Variants in TENM4 observed in about 807,000 individuals in gnomAD.
The protein encoded by TENM4 is teneurin-4.
In TENM4, 82 loss-of-function variants were observed where a neutral mutation model predicts 243.3. The ratio of observed to expected loss-of-function variants is 0.34; its 90% CI spans 0.28 to 0.40. TENM4 has a LOEUF of 0.40. Ranked by LOEUF, TENM4 falls within the 10% of genes least tolerant of loss-of-function variation. The probability of loss-of-function intolerance (pLI) is 1.00; values close to 1 mark genes in which losing one functional copy is unlikely to be tolerated. For synonymous variants in TENM4, 1,412 were observed against 1,456.3 expected (o/e 0.97, Z 0.69); for missense variants, 3,138 against 3,673.3 (o/e 0.85, Z 3.77).
At chr11:78,661,886 C>A (rs545827794) in intron 32 of TENM4, among the ~76,000 whole-genome samples, 1 of 152,174 alleles carries the variant, frequency 6.6e-6, no homozygotes, top group Non-Finnish European at 1.5e-5. Flanking sequence ...TAGCTTCATA[C>A]CCGGGGCAGC....
chr11:78,928,165 C>T (rs1856591311), intron 6 of TENM4, among the ~76,000 whole-genome samples: 1 of 152,214 alleles, frequency 6.6e-6, no homozygotes, highest in Non-Finnish European at 1.5e-5. Context: ...TACTCTGCAG[C>T]TCTTTAAACA....
At chr11:78,976,204 A>C (rs975912758) in intron 6 of TENM4, among the ~76,000 whole-genome samples, 1 of 152,246 alleles carries the variant, frequency 6.6e-6, no homozygotes, top group African/African-American at 2.4e-5. Context: ...TGAGGTGTGG[A>C]TCTGGGCTTC....
chr11:79,365,977 A>C (rs1174647028), intron 1 of TENM4, among the ~76,000 whole-genome samples: 1 of 152,186 alleles, frequency 6.6e-6, no homozygotes, highest in African/African-American at 2.4e-5. Flanking sequence ...GATGGGCTCT[A>C]AGCAAGAGAG....
intron 4 of TENM4, among the ~76,000 whole-genome samples, chr11:79,095,002 G>A (rs1009596173): frequency 1.3e-5 from 2 of 152,208 alleles, no homozygotes; most frequent in Non-Finnish European, 2.9e-5. Context: ...CTGCAAGGAG[G>A]CTTGGAGTCA....
At position 79,310,714 on chromosome 11, in the gene TENM4, T is replaced by C. The variant is rs913798114; in HGVS notation, c.-320-13171A>G. ...CATGGAGCAGCTGAGGCAGGGGAGCTTGGAATAAATTATTTCCCCATCCCC... is the reference window on the plus strand; with the variant it reads ...CATGGAGCAGCTGAGGCAGGGGAGCCTGGAATAAATTATTTCCCCATCCCC... On this transcript the variant is annotated intron_variant, in intron 1 of 33. Transcript: ENST00000278550. 3.3e-5 allele frequency among the ~76,000 whole-genome samples: 5 copies of C among 152,182 alleles called. 1 individual carries two copies. Among genetic ancestry groups the C allele is most frequent in the Admixed American group, 3.3e-4 (5 of 15,284 alleles).
chr11:78,684,184 G>A (rs918296977), intron 29 of TENM4, among the ~76,000 whole-genome samples: 3 of 152,228 alleles, frequency 2.0e-5, no homozygotes, highest in African/African-American at 7.2e-5. Flanking sequence ...GCTGTGAGAG[G>A]CACTATGGCA....
intron 9 of TENM4, among the ~76,000 whole-genome samples, chr11:78,864,196 C>T (rs1017742349): frequency 6.6e-6 from 1 of 151,986 alleles, no homozygotes; most frequent in Non-Finnish European, 1.5e-5. Flanking sequence ...AGGAGGGAAA[C>T]TTGCTTTTCA....
chr11:79,345,751 C>T (rs1367808877), intron 1 of TENM4, among the ~76,000 whole-genome samples: 33 of 152,160 alleles, frequency 2.2e-4, no homozygotes, highest in Admixed American at 2.2e-3. Flanking sequence ...ATCACAGGTG[C>T]TTAATAAATT....
At chr11:79,214,018 G>GTCC (rs1565252921) in intron 3 of TENM4, among the ~76,000 whole-genome samples, 1 of 150,638 alleles carries the variant, frequency 6.6e-6, no homozygotes, top group African/African-American at 2.4e-5. Flanking sequence ...TTGAGGTGGA[G>GTCC]TCTCTGTCTG....
At chr11:78,754,894 C>T (rs1051522941) in intron 19 of TENM4, among the ~76,000 whole-genome samples, 6 of 152,214 alleles carry the variant, frequency 3.9e-5, no homozygotes, top group East Asian at 1.9e-4. Flanking sequence ...AATTCTGCCA[C>T]GCACTTGCTG....
chr11:79,231,289 G>A (rs1300900456), intron 2 of TENM4, among the ~76,000 whole-genome samples: 3 of 152,030 alleles, frequency 2.0e-5, no homozygotes, highest in Non-Finnish European at 2.9e-5. Flanking sequence ...AATATGTTAA[G>A]TGAATGCACA....
intron 32 of TENM4, among the ~76,000 whole-genome samples, chr11:78,663,923 G>A (rs931474678): frequency 6.6e-6 from 1 of 152,152 alleles, no homozygotes; most frequent in Non-Finnish European, 1.5e-5. Context: ...CCCCTCTCCC[G>A]AGTGTGCAAC....
intron 1 of TENM4, among the ~76,000 whole-genome samples, chr11:79,310,103 C>T (rs1856694297): frequency 6.6e-6 from 1 of 152,230 alleles, no homozygotes; most frequent in African/African-American, 2.4e-5. Flanking sequence ...AGGGTCCTGC[C>T]TTAGCCAGCT....
intron 6 of TENM4, among the ~76,000 whole-genome samples, chr11:79,063,461 G>C (rs1860151745): frequency 7.1e-6 from 1 of 141,400 alleles, no homozygotes; most frequent in South Asian, 2.2e-4. Flanking sequence ...GCTGTCGTGC[G>C]GAAGCACCAG....
At chr11:78,728,219 G>T (rs1029624952) in intron 22 of TENM4, among the ~76,000 whole-genome samples, 2 of 152,200 alleles carry the variant, frequency 1.3e-5, no homozygotes, top group African/African-American at 2.4e-5. Context: ...TGGTAGGATT[G>T]TATGCGAACC....
In TENM4 at chr11:78,672,142, C is replaced by A; in HGVS notation, c.5684G>T (p.Gly1895Val). The stretch of plus-strand genomic sequence containing the variant: ...TTCAGACATGATGCCCCTCTGGATG[C>A]CAGCAATGTAACCCCCAGGGGAGTA... ...VTYSPGGYIA[G>V]IQRGIMSERM... The change falls in exon 31 of 34, where the codon GGC becomes GTC. Residue 1895 changes from glycine to valine, a missense_variant. Physicochemically the swap from Gly to Val is moderately radical, Grantham distance 109 (BLOSUM62 -3). Transcript: ENST00000278550. 1 of 1,613,818 alleles carries A rather than the reference C, an allele frequency of 6.2e-7. No individual in the cohort carries two copies. The highest frequency in any genetic ancestry group is 1.1e-5 in the South Asian group (1 of 91,060).
chr11:78,951,765 G>T (rs1857113204), intron 6 of TENM4, among the ~76,000 whole-genome samples: 1 of 152,032 alleles, frequency 6.6e-6, no homozygotes, highest in African/African-American at 2.4e-5. Flanking sequence ...CTCCTTAAAG[G>T]CCTTATCTCT....
intron 9 of TENM4, among the ~76,000 whole-genome samples, chr11:78,887,602 T>C (rs747722777): frequency 3.3e-5 from 5 of 152,178 alleles, no homozygotes; most frequent in Non-Finnish European, 7.3e-5. Context: ...GAAGGAAAAT[T>C]AAAGGTTACC....
intron 4 of TENM4, among the ~76,000 whole-genome samples, chr11:79,141,715 C>A (rs925808578): frequency 6.6e-6 from 1 of 151,910 alleles, no homozygotes; most frequent in Non-Finnish European, 1.5e-5. Context: ...ACAAACAAAA[C>A]TAGGCCAATA....
Sources: gnomAD v4.1 joint callset for allele counts (sites outside exome capture counted in the v4.1 genomes callset) on GRCh38, gnomAD v4.1.1 for gene constraint, MANE v1.5 for transcripts, NCBI Gene and HGNC (gene_info 2026-07-23, HGNC 2026-07-21) for gene names.